Variants in PDE4B observed in about 807,000 individuals in gnomAD.
PDE4B encodes the protein phosphodiesterase 4B.
A neutral mutation model predicts 82.2 loss-of-function variants in PDE4B; 20 were observed. The ratio of observed to expected loss-of-function variants is 0.24; its 90% CI spans 0.17 to 0.35. PDE4B has a LOEUF of 0.35. Among genes scored for constraint, PDE4B ranks in the 10% least tolerant of loss-of-function variants. The probability of loss-of-function intolerance (pLI) is 1.00; values close to 1 mark genes in which losing one functional copy is unlikely to be tolerated. For synonymous variants in PDE4B, 320 were observed against 318.9 expected, an observed-to-expected ratio of 1.00 and a Z score of -0.04; for missense variants, 655 against 907.2, an observed-to-expected ratio of 0.72 and a Z score of 3.57.
chr1:66,257,907 G>A (rs748885425), intron 6 of PDE4B, 44 bp downstream of exon 6: 5 of 1,311,558 alleles, frequency 3.8e-6, no homozygotes, highest in Admixed American at 1.8e-5. Context: ...CTAACATAAA[G>A]GCAAAAAATA....
chr1:65,897,980 ACAATCTTG>A (rs1360277292), intron 1 of PDE4B, among the ~76,000 whole-genome samples: 1 of 152,060 alleles, frequency 6.6e-6, no homozygotes, highest in Admixed American at 6.6e-5. Context: ...CCTTTTCTCT[ACAATCTTG>A]CAATCATCTG....
intron 3 of PDE4B, among the ~76,000 whole-genome samples, chr1:65,977,415 G>A (rs1259350865): frequency 1.3e-5 from 2 of 152,128 alleles, no homozygotes; most frequent in East Asian, 3.8e-4. Flanking sequence ...AGCATTGAGA[G>A]CATCATTACT....
At chr1:66,179,993 A>G (rs576700734) in intron 3 of PDE4B, among the ~76,000 whole-genome samples, 6 of 152,344 alleles carry the variant, frequency 3.9e-5, no homozygotes, top group South Asian at 2.1e-4. Flanking sequence ...CCTCATTGAC[A>G]AGGTAGATTA....
At chr1:65,873,488 G>A (rs1318570692) in intron 1 of PDE4B, among the ~76,000 whole-genome samples, 1 of 152,178 alleles carries the variant, frequency 6.6e-6, no homozygotes, top group African/African-American at 2.4e-5. Context: ...TGTGAGATTG[G>A]AGACAAGAGC....
At chr1:66,027,961 G>C (rs1003899628) in intron 3 of PDE4B, among the ~76,000 whole-genome samples, 9 of 152,168 alleles carry the variant, frequency 5.9e-5, no homozygotes, top group Non-Finnish European at 1.2e-4. Flanking sequence ...GCTATCGGTG[G>C]ATCTACCATT....
chr1:66,056,805 A>G (rs1354342337), intron 3 of PDE4B, among the ~76,000 whole-genome samples: 1 of 152,180 alleles, frequency 6.6e-6, no homozygotes, highest in Non-Finnish European at 1.5e-5. Flanking sequence ...AAGCTGGAAA[A>G]GGTAAGGAAG....
chr1:66,294,877 A>G (rs599381), intron 7 of PDE4B, among the ~76,000 whole-genome samples: 128,038 of 152,168 alleles, frequency 0.84, 54,430 homozygotes, highest in African/African-American at 0.96. Flanking sequence ...ATTGCATAGG[A>G]TGTGTTTCAT....
intron 7 of PDE4B, among the ~76,000 whole-genome samples, chr1:66,306,177 G>A (rs567614728): frequency 2.6e-5 from 4 of 152,264 alleles, no homozygotes; most frequent in Non-Finnish European, 2.9e-5. Context: ...TAAATGATAA[G>A]AGCATGAGAT....
At chr1:65,842,342 G>A (rs548001330) in intron 1 of PDE4B, among the ~76,000 whole-genome samples, 3 of 152,190 alleles carry the variant, frequency 2.0e-5, no homozygotes, top group South Asian at 4.1e-4. Flanking sequence ...TGAAAGAGTT[G>A]CATGGGAGAA....
intron 16 of PDE4B, among the ~76,000 whole-genome samples, chr1:66,370,727 A>G (rs1024035206): frequency 3.1e-4 from 47 of 152,218 alleles, no homozygotes; most frequent in Admixed American, 1.4e-3. Flanking sequence ...TAGCAGAAGC[A>G]AAACAAGCGA....
chr1:66,201,572 G>T (rs1648955134), intron 3 of PDE4B, among the ~76,000 whole-genome samples: 2 of 149,334 alleles, frequency 1.3e-5, no homozygotes, highest in Non-Finnish European at 3.0e-5. Flanking sequence ...GTTTAGTCTT[G>T]GGAGGGCGTA....
At chr1:65,909,334 A>G (rs1278058427) in intron 1 of PDE4B, among the ~76,000 whole-genome samples, 1 of 152,188 alleles carries the variant, frequency 6.6e-6, no homozygotes, top group East Asian at 1.9e-4. Context: ...GCATGTGTCC[A>G]TGATATAGAA....
chr1:66,205,218 G>A (rs947538876), intron 3 of PDE4B, among the ~76,000 whole-genome samples: 4 of 152,202 alleles, frequency 2.6e-5, no homozygotes, highest in African/African-American at 9.7e-5. Flanking sequence ...ACAGGCTGGG[G>A]CAGAACAGTA....
intron 3 of PDE4B, among the ~76,000 whole-genome samples, chr1:66,069,180 C>T (rs1201703877): frequency 6.6e-6 from 1 of 152,000 alleles, no homozygotes; most frequent in Non-Finnish European, 1.5e-5. Flanking sequence ...CATTGAAGTG[C>T]ATCAGCAAAG....
chr1:66,351,136 G>A (rs553720011), intron 8 of PDE4B, among the ~76,000 whole-genome samples: 3 of 152,306 alleles, frequency 2.0e-5, no homozygotes, highest in Admixed American at 6.5e-5. Flanking sequence ...GGCATCGGAG[G>A]AATTTTTTAT....
At chr1:66,035,865 T>C (rs1654033181) in intron 3 of PDE4B, among the ~76,000 whole-genome samples, 1 of 152,222 alleles carries the variant, frequency 6.6e-6, no homozygotes, top group Admixed American at 6.5e-5. Flanking sequence ...CACCCAGTAG[T>C]GGGGATTGCT....
intron 1 of PDE4B, among the ~76,000 whole-genome samples, chr1:65,830,834 T>C (rs1646074174): frequency 6.6e-6 from 1 of 152,116 alleles, no homozygotes; most frequent in African/African-American, 2.4e-5. Flanking sequence ...TGAATATTAG[T>C]TTCCTAGTTT....
At chr1:66,329,083 C>A (rs1392429729) in intron 7 of PDE4B, among the ~76,000 whole-genome samples, 1 of 152,174 alleles carries the variant, frequency 6.6e-6, no homozygotes, top group Non-Finnish European at 1.5e-5. Context: ...TGGCGGCTAT[C>A]AGGAAGGAGT....
chr1:66,065,921 A>G (rs1655822606), intron 3 of PDE4B, among the ~76,000 whole-genome samples: 1 of 151,728 alleles, frequency 6.6e-6, no homozygotes, highest in Non-Finnish European at 1.5e-5. Context: ...TTTTACTTTT[A>G]TTTAACCGTA....
Sources: allele counts gnomAD v4.1 joint callset (sites outside exome capture counted in the v4.1 genomes callset), GRCh38; gene constraint gnomAD v4.1.1; transcripts MANE v1.5; gene names NCBI Gene and HGNC (gene_info 2026-07-23, HGNC 2026-07-21).